The following TBCA variants were observed in gnomAD, a reference collection of about 807,000 sequenced individuals.
TBCA encodes the protein tubulin-specific chaperone A.
Under a neutral mutation model 15.8 loss-of-function variants are expected in TBCA, and 6 were observed. The observed-to-expected ratio is 0.38, with a 90% confidence interval of 0.21 to 0.75. The LOEUF (loss-of-function observed/expected upper bound fraction) is 0.75. TBCA is among the 30% of genes least tolerant of loss of function. The probability of loss-of-function intolerance (pLI) is 0.46; values close to 1 mark genes in which losing one functional copy is unlikely to be tolerated. For synonymous variants in TBCA, 32 were observed against 42.3 expected, an observed-to-expected ratio of 0.76 and a Z score of 0.94; for missense variants, 90 against 131.2, an observed-to-expected ratio of 0.69 and a Z score of 1.53.
intron 1 of TBCA, among the ~76,000 whole-genome samples, chr5:77,748,779 C>G (rs1747246747): frequency 1.3e-5 from 2 of 152,124 alleles, no homozygotes; most frequent in Admixed American, 1.3e-4. Context: ...GAAGCCTTAC[C>G]AATAACATAA....
At chr5:77,715,922 T>C (rs138960525) in intron 1 of TBCA, among the ~76,000 whole-genome samples, 4 of 152,306 alleles carry the variant, frequency 2.6e-5, no homozygotes, top group Admixed American at 6.5e-5. Context: ...TCTACTGATA[T>C]AGCTGATAAC....
chr5:77,723,233 T>C (rs1414712558), intron 1 of TBCA, among the ~76,000 whole-genome samples: 1 of 151,908 alleles, frequency 6.6e-6, no homozygotes, highest in Non-Finnish European at 1.5e-5. Context: ...AAATGTCCAA[T>C]GGTCCTTAAG....
At chr5:77,713,063 G>T (rs1027764867) in intron 1 of TBCA, among the ~76,000 whole-genome samples, 1 of 152,132 alleles carries the variant, frequency 6.6e-6, no homozygotes, top group East Asian at 1.9e-4. Context: ...GGAGGCTGAG[G>T]CAGGAGGACC....
At chr5:77,711,146 A>G (rs1259852623) in intron 1 of TBCA, among the ~76,000 whole-genome samples, 1 of 152,208 alleles carries the variant, frequency 6.6e-6, no homozygotes, top group Non-Finnish European at 1.5e-5. Flanking sequence ...ATTTTTTAAA[A>G]GATTTGTCAT....
intron 3 of TBCA, chr5:77,692,313 A>C (rs1478144262): frequency 1.0e-6 from 1 of 985,400 alleles, no homozygotes; most frequent in Non-Finnish European, 1.2e-6. Context: ...TATACGTAAG[A>C]ATTTCTTAAA....
At chr5:77,758,984 C>T (rs1001545019) in intron 1 of TBCA, among the ~76,000 whole-genome samples, 1 of 152,192 alleles carries the variant, frequency 6.6e-6, no homozygotes, top group African/African-American at 2.4e-5. Context: ...CTGGCACCAA[C>T]TGCCGATTAT....
chr5:77,734,175 A>C (rs1403804534), intron 1 of TBCA, among the ~76,000 whole-genome samples: 3 of 152,240 alleles, frequency 2.0e-5, no homozygotes, highest in African/African-American at 7.2e-5. Context: ...GAGAGGTACA[A>C]GGAGATTAAT....
chr5:77,740,881 T>A (rs971156734), intron 1 of TBCA, among the ~76,000 whole-genome samples: 1 of 152,228 alleles, frequency 6.6e-6, no homozygotes, highest in African/African-American at 2.4e-5. Flanking sequence ...ATTGTATCTC[T>A]GTCATTCAAA....
At chr5:77,756,606 C>G (rs1747482088) in intron 1 of TBCA, among the ~76,000 whole-genome samples, 1 of 150,840 alleles carries the variant, frequency 6.6e-6, no homozygotes, top group African/African-American at 2.5e-5. Context: ...GAATTAGCAT[C>G]CTAAAGAACA....
At chr5:77,704,138 T>C (rs1005954362) in intron 2 of TBCA, among the ~76,000 whole-genome samples, 8 of 152,146 alleles carry the variant, frequency 5.3e-5, no homozygotes, top group South Asian at 4.1e-4. Flanking sequence ...GGTAGTTCTA[T>C]ATAGCAGTAT....
intron 1 of TBCA, among the ~76,000 whole-genome samples, chr5:77,739,053 T>G (rs1258904540): frequency 6.6e-6 from 1 of 152,226 alleles, no homozygotes; most frequent in Non-Finnish European, 1.5e-5. Flanking sequence ...TCATAAGTAG[T>G]AAATATAAGA....
chr5:77,746,205 C>G lies in TBCA; in HGVS notation c.53+30000G>C, dbSNP rs190688571. On this transcript the variant is annotated intron_variant, in intron 1 of 3. Coordinates refer to ENST00000380377, the MANE Select transcript of TBCA (RefSeq NM_004607.3). ...GCACTTAGGGAGGCCAAGGAAGAAG[C>G]ATCACTTACGCTCAGGAGTTCCAGA... is the stretch of plus-strand genomic sequence containing the variant. 6.4e-4 allele frequency among the ~76,000 whole-genome samples: 97 copies of G among 152,160 alleles called. 2 individuals are homozygous for G. The highest frequency in any genetic ancestry group is 6.2e-3 in the Admixed American group (95 of 15,276).
intron 1 of TBCA, among the ~76,000 whole-genome samples, chr5:77,743,985 CTTA>C (rs1396026624): frequency 1.3e-5 from 2 of 152,160 alleles, no homozygotes; most frequent in Non-Finnish European, 2.9e-5. Flanking sequence ...CACTTGCAAA[CTTA>C]TTAATAGTAT....
At chr5:77,724,841 T>G (rs2112460426) in intron 1 of TBCA, among the ~76,000 whole-genome samples, 1 of 152,298 alleles carries the variant, frequency 6.6e-6, no homozygotes, top group East Asian at 1.9e-4. Flanking sequence ...TTTCTAGGAT[T>G]TTTGTGTTAA....
chr5:77,765,685 T>G (rs990893186), intron 1 of TBCA, among the ~76,000 whole-genome samples: 1 of 152,150 alleles, frequency 6.6e-6, no homozygotes, highest in Admixed American at 6.5e-5. Flanking sequence ...TCTTCCCCCA[T>G]GTATCTCATG....
chr5:77,698,054 A>C (rs1745911182), intron 2 of TBCA, among the ~76,000 whole-genome samples: 1 of 152,088 alleles, frequency 6.6e-6, no homozygotes, highest in Non-Finnish European at 1.5e-5. Flanking sequence ...TGGGAGGTTA[A>C]GGCTGCAGTG....
At chr5:77,756,990 T>C (rs1183058270) in intron 1 of TBCA, among the ~76,000 whole-genome samples, 1 of 152,138 alleles carries the variant, frequency 6.6e-6, no homozygotes, top group Non-Finnish European at 1.5e-5. Context: ...GTAAGAAAAG[T>C]AATGAAAGAA....
At chr5:77,693,799 C>CAAA (rs70991303) in intron 2 of TBCA, among the ~76,000 whole-genome samples, 12,395 of 76,594 alleles carry the variant, frequency 0.16, 1,730 homozygotes, top group Non-Finnish European at 0.25. Flanking sequence ...AACTCCATCT[C>CAAA]AAAAAAAAAA....
intron 1 of TBCA, among the ~76,000 whole-genome samples, chr5:77,739,170 T>G (rs1746976140): frequency 6.6e-6 from 1 of 152,122 alleles, no homozygotes; most frequent in African/African-American, 2.4e-5. Flanking sequence ...TCAAGAAAGT[T>G]TGAAACATGG....
Sources: gnomAD v4.1 joint callset for allele counts (sites outside exome capture counted in the v4.1 genomes callset) on GRCh38, gnomAD v4.1.1 for gene constraint, MANE v1.5 for transcripts, NCBI Gene and HGNC (gene_info 2026-07-23, HGNC 2026-07-21) for gene names.